Variants in SETBP1 observed in about 807,000 individuals in gnomAD.
The protein encoded by SETBP1 is SET binding protein 1, also known as SET-binding protein.
Under a neutral mutation model 101.0 loss-of-function variants are expected in SETBP1, and 9 were observed. The ratio of observed to expected loss-of-function variants is 0.09; its 90% CI spans 0.05 to 0.16. The LOEUF is 0.16. SETBP1 is among the 10% of genes least tolerant of loss of function. SETBP1 has a pLI of 1.00. For synonymous variants in SETBP1, 818 were observed against 788.5 expected (o/e 1.04, Z -0.63); for missense variants, 1,858 against 2,033.8 (o/e 0.91, Z 1.66).
intron 3 of SETBP1, among the ~76,000 whole-genome samples, chr18:44,929,844 A>T (rs2070786698): frequency 6.6e-6 from 1 of 152,146 alleles, no homozygotes; most frequent in South Asian, 2.1e-4. Flanking sequence ...GGCTGAGATG[A>T]TGGGGTTTTC....
intron 4 of SETBP1, among the ~76,000 whole-genome samples, chr18:44,994,413 T>C (rs1247737035): frequency 6.6e-6 from 1 of 152,218 alleles, no homozygotes; most frequent in African/African-American, 2.4e-5. Context: ...TTAATGATAA[T>C]TCCTTTTTAT....
At chr18:44,733,759 T>C (rs1182667247) in intron 2 of SETBP1, among the ~76,000 whole-genome samples, 2 of 152,236 alleles carry the variant, frequency 1.3e-5, no homozygotes, top group African/African-American at 4.8e-5. Flanking sequence ...CTGAGAAATT[T>C]TAAAGATTAA....
At chr18:45,027,946 C>G (rs2073203001) in intron 4 of SETBP1, among the ~76,000 whole-genome samples, 1 of 152,116 alleles carries the variant, frequency 6.6e-6, no homozygotes, top group Non-Finnish European at 1.5e-5. Context: ...GACTTCCTTC[C>G]TCAGTCTTCA....
rs1261815868 is a variant in SETBP1, at chr18:44,951,989, G to A, written c.2649G>A (p.Glu883=). ...TDNNSTSDQA[E]KSSESRRRYS... is the part of the protein sequence containing the mutation. The stretch of plus-strand genomic sequence containing the variant: ...ACAACAGCACTTCTGACCAAGCGGA[G>A]AAGAGCTCAGAATCCCGAAGGAGGT... Residue 883 remains glutamate, a synonymous_variant, in exon 4 of 6, where the codon GAG becomes GAA. Transcript: ENST00000649279. This position sits in a 1 kb window ranked among gnomAD's most constrained non-coding sequence, Gnocchi z 7.8. 6.2e-7 allele frequency: 1 copy of A among 1,614,058 alleles called. No individual in the cohort carries two copies.
In SETBP1 at chr18:44,902,301, A is replaced by T. The variant is rs527947041; in HGVS notation, c.540+33018A>T. ...TTCTCATGTCCTTTGCTCCTATCAA[A>T]CCTATCTTAACCAGCACCTGTGTTA... On this transcript the variant is annotated intron_variant, in intron 3 of 5. Coordinates refer to ENST00000649279, the MANE Select transcript of SETBP1 (RefSeq NM_015559.3). Among the ~76,000 whole-genome samples, 296 of 152,076 alleles carry T rather than the reference A, an allele frequency of 1.9e-3. 1 individual carries two copies. The highest frequency in any genetic ancestry group is 7.0e-3 in the African/African-American group (289 of 41,500).
chr18:44,994,864 G>A (rs1158289469), intron 4 of SETBP1, among the ~76,000 whole-genome samples: 1 of 152,138 alleles, frequency 6.6e-6, no homozygotes, highest in African/African-American at 2.4e-5. Context: ...AAGAAAGGAG[G>A]TTGGGCAGGG....
At chr18:44,899,614 A>G (rs1037990834) in intron 3 of SETBP1, among the ~76,000 whole-genome samples, 29 of 152,170 alleles carry the variant, frequency 1.9e-4, no homozygotes, top group Non-Finnish European at 3.5e-4. Flanking sequence ...AAGATCTCAC[A>G]CTTGGTTTAG....
intron 4 of SETBP1, among the ~76,000 whole-genome samples, chr18:45,020,897 G>A (rs2145418272): frequency 6.6e-6 from 1 of 152,316 alleles, no homozygotes; most frequent in East Asian, 1.9e-4. Flanking sequence ...AATGTGGGGT[G>A]TTTGTGTATT....
intron 2 of SETBP1, among the ~76,000 whole-genome samples, chr18:44,784,102 C>A (rs931476884): frequency 2.6e-5 from 4 of 152,132 alleles, no homozygotes; most frequent in Admixed American, 2.6e-4. Flanking sequence ...ACAATTCTCT[C>A]TTGCACTAAA....
At chr18:45,025,603 C>T (rs1352660946) in intron 4 of SETBP1, among the ~76,000 whole-genome samples, 1 of 151,920 alleles carries the variant, frequency 6.6e-6, no homozygotes, top group Non-Finnish European at 1.5e-5. Flanking sequence ...TATTTGTATT[C>T]TACAGGAGGA....
At chr18:45,031,056 T>G (rs1471418212) in intron 4 of SETBP1, among the ~76,000 whole-genome samples, 2 of 152,112 alleles carry the variant, frequency 1.3e-5, no homozygotes, top group African/African-American at 4.8e-5. Flanking sequence ...TCTGCTAGCT[T>G]TTGAATGTGT....
chr18:45,038,725 G>C, intron 5 of SETBP1, 70 bp downstream of exon 5: 1 of 1,535,944 alleles, frequency 6.5e-7, no homozygotes, highest in Non-Finnish European at 9.0e-7. Flanking sequence ...ACTGAGAATG[G>C]CCTGTTGAAT....
intron 2 of SETBP1, among the ~76,000 whole-genome samples, chr18:44,769,855 G>A (rs760360505): frequency 1.3e-5 from 2 of 152,084 alleles, no homozygotes; most frequent in Non-Finnish European, 2.9e-5. Context: ...TTTTAGCATC[G>A]AGACCGACAG....
chr18:44,763,624 A>G (rs1290364465), intron 2 of SETBP1, among the ~76,000 whole-genome samples: 1 of 152,224 alleles, frequency 6.6e-6, no homozygotes, highest in Non-Finnish European at 1.5e-5. Flanking sequence ...AAAGCTATGA[A>G]ACGCTTTCTC....
chr18:44,972,030 T>C (rs2071874434), intron 4 of SETBP1, among the ~76,000 whole-genome samples: 1 of 152,218 alleles, frequency 6.6e-6, no homozygotes, highest in Non-Finnish European at 1.5e-5. Context: ...TAAGTCTTTA[T>C]GCATCTTGAA....
chr18:44,771,007 C>T (rs772761049), intron 2 of SETBP1, among the ~76,000 whole-genome samples: 15 of 151,980 alleles, frequency 9.9e-5, no homozygotes, highest in Non-Finnish European at 1.0e-4. Flanking sequence ...GAGCTGCCCA[C>T]TCTAGACTAT....
rs1156329201 is a variant in SETBP1, at chr18:44,701,905, G to T, written c.486+73G>T. ...GCCATTTTATCCTCAACTTCTTAGG[G>T]TCTATTTATATATTATATTTGACTC... is the stretch of plus-strand genomic sequence containing the variant. On this transcript the variant is annotated intron_variant, in intron 2 of 5. Transcript: ENST00000649279. 6 of 1,514,304 alleles carry T rather than the reference G, an allele frequency of 4.0e-6. No homozygotes were observed. In the African/African-American group the frequency reaches 4.1e-5, roughly 10 times the overall value. The allele number at this position is 1,514,304 out of a possible 1,614,324, so 93.8% of individuals were successfully genotyped here.
In SETBP1 at chr18:44,952,191, C is replaced by T; in HGVS notation, c.2851C>T (p.Leu951Phe). ...KRKSLQNRDD[L>F]QFLADLEELI... ...GAAAAGCCTGCAAAACCGCGATGAC[C>T]TCCAGTTTCTGGCAGACCTGGAGGA... Residue 951 changes from leucine (L) to phenylalanine (F), a missense_variant, in exon 4 of 6, where the codon CTC (leucine) becomes TTC (phenylalanine). Physicochemically the swap from Leu to Phe is conservative, Grantham distance 22. Coordinates refer to ENST00000649279, the MANE Select transcript of SETBP1 (RefSeq NM_015559.3). 1 of 1,614,180 alleles carries T rather than the reference C, an allele frequency of 6.2e-7. No individual in the cohort carries two copies. Among genetic ancestry groups the T allele is most frequent in the Non-Finnish European group, 8.5e-7 (1 of 1,180,040 alleles).
intron 4 of SETBP1, among the ~76,000 whole-genome samples, chr18:44,971,792 G>A (rs1171033627): frequency 6.6e-6 from 1 of 152,186 alleles, no homozygotes; most frequent in East Asian, 1.9e-4. Flanking sequence ...TGTCAGATGA[G>A]TAGATTGCAA....
Sources: allele counts gnomAD v4.1 joint callset (sites outside exome capture counted in the v4.1 genomes callset), GRCh38; gene constraint gnomAD v4.1.1; non-coding constraint Gnocchi (gnomAD v3.1); transcripts MANE v1.5; gene names NCBI Gene and HGNC (gene_info 2026-07-23, HGNC 2026-07-21).